Variants in TMEM87B observed in about 807,000 individuals in gnomAD.
The protein encoded by TMEM87B is transmembrane protein 87B.
A neutral mutation model predicts 80.3 loss-of-function variants in TMEM87B; 83 were observed. The observed-to-expected ratio is 1.03, with a 90% CI of 0.87 to 1.24. The LOEUF is 1.24. TMEM87B is among the 50% of genes most tolerant of loss of function. The pLI, the probability that TMEM87B is intolerant of heterozygous loss-of-function variation, is 0.00. For missense variants in TMEM87B, 625 were observed against 674.4 expected (o/e 0.93, Z 0.81); for synonymous variants, 219 against 230.5 (o/e 0.95, Z 0.45).
In TMEM87B at chr2:112,088,027, C is replaced by T. The variant is rs149810549; in HGVS notation, c.939-1598C>T. 1.4e-3 allele frequency among the ~76,000 whole-genome samples: 210 copies of T among 152,320 alleles called. 1 individual carries two copies. Among genetic ancestry groups the T allele is most frequent in the South Asian group, 4.8e-3 (23 of 4,828 alleles). On this transcript the variant is annotated intron_variant, in intron 9 of 18. Transcript: ENST00000283206. ...TCCTGTGTTCCTGAGCTCCGGCCCC[C>T]GGGGGCCCAGGCTCAGGCCTCTGCT...
At chr2:112,055,881 C>G (rs1678037543) in intron 1 of TMEM87B, 125 bp downstream of exon 1, 1 of 1,219,820 alleles carries the variant, frequency 8.2e-7, no homozygotes, top group South Asian at 1.9e-5. Flanking sequence ...CCCTGATACC[C>G]TCCCTGAGCC....
At chr2:112,100,393 A>G (rs879784804) in intron 14 of TMEM87B, among the ~76,000 whole-genome samples, 1 of 152,242 alleles carries the variant, frequency 6.6e-6, no homozygotes, top group Admixed American at 6.5e-5. Context: ...TGCTTTGCAG[A>G]AAGATTTTAC....
At chr2:112,082,048 A>G (rs1179080663) in intron 8 of TMEM87B, among the ~76,000 whole-genome samples, 1 of 152,194 alleles carries the variant, frequency 6.6e-6, no homozygotes, top group Non-Finnish European at 1.5e-5. Flanking sequence ...GCAGTGGAAT[A>G]TGTGAAGCAG....
At chr2:112,099,647 G>A (rs1226021617) in intron 14 of TMEM87B, among the ~76,000 whole-genome samples, 4 of 150,030 alleles carry the variant, frequency 2.7e-5, no homozygotes, top group Non-Finnish European at 4.4e-5. Context: ...AGGCCAAGGT[G>A]GGTGTATGAC....
At chr2:112,111,433 G>C (rs1284436575) in intron 17 of TMEM87B, among the ~76,000 whole-genome samples, 2 of 151,976 alleles carry the variant, frequency 1.3e-5, no homozygotes, top group African/African-American at 4.8e-5. Context: ...ATATATTCTT[G>C]GTTACAAAAA....
intron 1 of TMEM87B, among the ~76,000 whole-genome samples, chr2:112,059,607 G>A (rs1385338685): frequency 6.6e-6 from 1 of 152,164 alleles, no homozygotes; most frequent in Non-Finnish European, 1.5e-5. Flanking sequence ...CTTGGAGCTG[G>A]GAGAGGGGGA....
chr2:112,110,558 T>A (rs993456773), intron 17 of TMEM87B, among the ~76,000 whole-genome samples: 1 of 152,162 alleles, frequency 6.6e-6, no homozygotes, highest in African/African-American at 2.4e-5. Context: ...TTATATGGAA[T>A]TGATTTTGTT....
At chr2:112,079,751 C>T (rs1028752858) in intron 6 of TMEM87B, among the ~76,000 whole-genome samples, 1 of 152,216 alleles carries the variant, frequency 6.6e-6, no homozygotes, top group Non-Finnish European at 1.5e-5. Context: ...TCCACATCTT[C>T]ATCAGCACTT....
intron 17 of TMEM87B, among the ~76,000 whole-genome samples, chr2:112,110,909 A>G (rs1245639470): frequency 6.6e-6 from 1 of 152,052 alleles, no homozygotes; most frequent in Non-Finnish European, 1.5e-5. Flanking sequence ...ACTTCTTCCA[A>G]GTCACTGGTT....
intron 2 of TMEM87B, among the ~76,000 whole-genome samples, chr2:112,060,752 G>T (rs1678234120): frequency 6.6e-6 from 1 of 151,892 alleles, no homozygotes. Context: ...GGCCAGGCTG[G>T]CCTCCAACTC....
intron 4 of TMEM87B, among the ~76,000 whole-genome samples, chr2:112,073,122 A>T (rs1678707876): frequency 6.6e-6 from 1 of 151,348 alleles, no homozygotes; most frequent in Admixed American, 6.6e-5. Flanking sequence ...CTGGTCTCGA[A>T]CTCGTGACCT....
chr2:112,055,906 G>A (rs1051236154), intron 1 of TMEM87B, 150 bp downstream of exon 1: 5 of 1,139,150 alleles, frequency 4.4e-6, no homozygotes, highest in Admixed American at 4.1e-5. Context: ...GTCTGTTACA[G>A]CCGGGGAGCG....
Position 112,077,281 on chromosome 2 carries a change from T to C in TMEM87B, c.591T>C (p.Asn197=), listed in dbSNP as rs1236396663. Residue 197 remains asparagine (N), a splice_region_variant and synonymous_variant, in exon 6 of 19, where the codon AAT becomes AAC. Transcript: ENST00000283206. ...TENTDASWNL[N]VSLSMIGPHG... ...ATACAGATGCAAGCTGGAATTTGAA[T>C]GGTATAGTTAAACTGCATGCATGTT... 3 of 1,546,752 alleles carry C rather than the reference T, an allele frequency of 1.9e-6. No individual in the cohort carries two copies. The highest frequency in any genetic ancestry group is 2.6e-6 in the Non-Finnish European group (3 of 1,133,996).
rs745973100 is a variant in TMEM87B at position 112,055,625 on chromosome 2, C to T, written c.34C>T (p.Leu12=). ...CGCCTGCCGCTCGGTAGCCGGGCTC[C>T]TGCCACGCCGCCGCCGCTGCTTTCC... The part of the protein sequence containing the change: ...VAACRSVAGL[L]PRRRRCFPAR... The change falls in exon 1 of 19, where the codon CTG becomes TTG. Residue 12 remains leucine (L), a synonymous_variant. Coordinates refer to ENST00000283206, the MANE Select transcript of TMEM87B (RefSeq NM_032824.3). 4.5e-6 allele frequency: 7 copies of T among 1,544,404 alleles called. No homozygotes were observed. The highest frequency in any genetic ancestry group is 5.2e-6 in the Non-Finnish European group (6 of 1,147,424).
At chr2:112,063,584 C>G (rs1678323133) in intron 2 of TMEM87B, among the ~76,000 whole-genome samples, 1 of 152,156 alleles carries the variant, frequency 6.6e-6, no homozygotes, top group African/African-American at 2.4e-5. Context: ...TTCTCTTCAC[C>G]AGGCTAACTT....
chr2:112,059,041 G>A (rs1373758276), intron 1 of TMEM87B, among the ~76,000 whole-genome samples: 1 of 152,184 alleles, frequency 6.6e-6, no homozygotes, highest in Non-Finnish European at 1.5e-5. Context: ...AGGCAGTTGG[G>A]TATTTGGATC....
chr2:112,064,959 T>C (rs796693018), intron 3 of TMEM87B, among the ~76,000 whole-genome samples: 28 of 152,244 alleles, frequency 1.8e-4, no homozygotes, highest in African/African-American at 6.7e-4. Flanking sequence ...TACCTATACA[T>C]GTATATGCAT....
intron 15 of TMEM87B, among the ~76,000 whole-genome samples, chr2:112,105,587 T>C (rs1679743625): frequency 6.6e-6 from 1 of 152,244 alleles, no homozygotes; most frequent in African/African-American, 2.4e-5. Context: ...CTATCTTCTT[T>C]ATGCCATACG....
rs767376110 is a variant in TMEM87B at position 112,097,241 on chromosome 2, G to A, written c.1222G>A (p.Val408Met). 1 of 1,609,684 alleles carries A rather than the reference G, an allele frequency of 6.2e-7. No homozygotes were observed. The highest frequency in any genetic ancestry group is 1.1e-5 in the South Asian group (1 of 89,632). ...TLIFAVLASI[V>M]FMGWTTKTFR... ...CTTTTTGTGTGTTTCAGCTTCTATA[G>A]TGTTTATGGGGTGGACAACTAAGAC... is the stretch of plus-strand genomic sequence containing the variant. The change falls in exon 13 of 19, where the codon GTG (valine) becomes ATG (methionine). Residue 408 changes from valine (V) to methionine (M), a missense_variant. Val to Met is a conservative substitution (Grantham distance 21). Coordinates refer to ENST00000283206, the MANE Select transcript of TMEM87B (RefSeq NM_032824.3).
Sources: allele counts gnomAD v4.1 joint callset (sites outside exome capture counted in the v4.1 genomes callset), GRCh38; gene constraint gnomAD v4.1.1; transcripts MANE v1.5; gene names NCBI Gene and HGNC (gene_info 2026-07-23, HGNC 2026-07-21).